Variants in CCDC63 observed in about 807,000 individuals in gnomAD.
CCDC63 encodes the protein coiled-coil domain containing 63.
A neutral mutation model predicts 63.6 loss-of-function variants in CCDC63; 54 were observed. The observed-to-expected ratio is 0.85, with a 90% confidence interval of 0.68 to 1.07. The LOEUF (loss-of-function observed/expected upper bound fraction) is 1.07. CCDC63 is among the 50% of genes least tolerant of loss of function. The probability of loss-of-function intolerance (pLI) is 0.00; values close to 1 mark genes in which losing one functional copy is unlikely to be tolerated. For missense variants in CCDC63, 637 were observed against 689.6 expected (o/e 0.92, Z 0.86); for synonymous variants, 253 against 266.1 (o/e 0.95, Z 0.48).
In CCDC63 at chr12:110,884,140, C is replaced by T; in HGVS notation, c.964C>T (p.Leu322Phe). The change falls in exon 8 of 12, where the codon CTC becomes TTC. Residue 322 changes from leucine to phenylalanine, a missense_variant. Physicochemically the swap from Leu to Phe is conservative, Grantham distance 22 (BLOSUM62 0). Coordinates refer to ENST00000308208, the MANE Select transcript of CCDC63 (RefSeq NM_152591.3). ...KLAESGNLNQLIEDFLAKEEK... is the reference protein window; with the variant it reads ...KLAESGNLNQFIEDFLAKEEK... Reference sequence around the variant, plus strand: ...GGCTGAGAGTGGGAACCTAAACCAGCTCATTGAAGATTTTCTGGCCAAGGA... The same window carrying T: ...GGCTGAGAGTGGGAACCTAAACCAGTTCATTGAAGATTTTCTGGCCAAGGA... 6.2e-7 allele frequency: 1 copy of T among 1,614,124 alleles called. No individual in the cohort carries two copies. Among genetic ancestry groups the T allele is most frequent in the Non-Finnish European group, 8.5e-7 (1 of 1,179,994 alleles).
At chr12:110,874,975 C>T (rs1355647347) in intron 5 of CCDC63, among the ~76,000 whole-genome samples, 1 of 152,188 alleles carries the variant, frequency 6.6e-6, no homozygotes, top group Admixed American at 6.5e-5. Flanking sequence ...GTAGCTCCCA[C>T]ATGAGCTACT....
At chr12:110,866,142 TA>T (rs918131600) in intron 4 of CCDC63, among the ~76,000 whole-genome samples, 1 of 152,110 alleles carries the variant, frequency 6.6e-6, no homozygotes, top group Non-Finnish European at 1.5e-5. Context: ...CATGCTCAGC[TA>T]ATTTTTGTAT....
intron 4 of CCDC63, among the ~76,000 whole-genome samples, chr12:110,860,088 A>T (rs2070833312): frequency 6.6e-6 from 1 of 152,202 alleles, no homozygotes; most frequent in Admixed American, 6.5e-5. Context: ...ACCATTTACA[A>T]GGGTGTGGGC....
intron 1 of CCDC63, among the ~76,000 whole-genome samples, 184 bp from the exon 2 acceptor site, chr12:110,852,675 C>T (rs2136640619): frequency 6.6e-6 from 1 of 152,250 alleles, no homozygotes; most frequent in Middle Eastern, 3.4e-3. Flanking sequence ...AGGTTCCAGG[C>T]AAACATTGCT....
intron 9 of CCDC63, among the ~76,000 whole-genome samples, chr12:110,894,258 T>C (rs2071391366): frequency 6.6e-6 from 1 of 152,148 alleles, no homozygotes; most frequent in Admixed American, 6.6e-5. Flanking sequence ...AAAAGTGCCT[T>C]CCCAGAAGTC....
chr12:110,866,861 G>C (rs1474118893), intron 4 of CCDC63, among the ~76,000 whole-genome samples: 12 of 149,828 alleles, frequency 8.0e-5, no homozygotes, highest in Non-Finnish European at 4.5e-5. Context: ...GTGGTGGCCG[G>C]GCAGAGGGGC....
At chr12:110,855,951 G>T (rs2070764206) in intron 3 of CCDC63, among the ~76,000 whole-genome samples, 1 of 152,068 alleles carries the variant, frequency 6.6e-6, no homozygotes, top group Admixed American at 6.6e-5. Context: ...CACCAACCCT[G>T]GCTTACAACA....
At chr12:110,905,047 T>C (rs1337467614) in intron 11 of CCDC63, among the ~76,000 whole-genome samples, 1 of 152,116 alleles carries the variant, frequency 6.6e-6, no homozygotes, top group Non-Finnish European at 1.5e-5. Flanking sequence ...TGGATATTTT[T>C]AAAAGTCAAA....
chr12:110,882,336 A>T (rs965190620), intron 7 of CCDC63, among the ~76,000 whole-genome samples: 1 of 151,932 alleles, frequency 6.6e-6, no homozygotes, highest in Non-Finnish European at 1.5e-5. Flanking sequence ...AATGAGCAAG[A>T]CCCCATCTCT....
intron 4 of CCDC63, among the ~76,000 whole-genome samples, chr12:110,859,808 T>C (rs2070828670): frequency 1.3e-5 from 2 of 152,138 alleles, no homozygotes; most frequent in Non-Finnish European, 2.9e-5. Flanking sequence ...ACAACATTAA[T>C]GGTCATGCCC....
At chr12:110,851,493 C>T (rs1020838942) in intron 1 of CCDC63, among the ~76,000 whole-genome samples, 2 of 152,140 alleles carry the variant, frequency 1.3e-5, no homozygotes, top group African/African-American at 4.8e-5. Context: ...TGCCCATCCA[C>T]CCCCGAAGAA....
At chr12:110,869,895 A>C (rs2071041301) in intron 4 of CCDC63, among the ~76,000 whole-genome samples, 1 of 152,214 alleles carries the variant, frequency 6.6e-6, no homozygotes, top group Admixed American at 6.5e-5. Flanking sequence ...TTTATTTATC[A>C]ATTATTTTTA....
intron 3 of CCDC63, 152 bp from the exon 4 acceptor site, chr12:110,858,434 T>C: frequency 1.7e-6 from 1 of 604,416 alleles, no homozygotes; most frequent in South Asian, 2.4e-5. Flanking sequence ...CTTCCAGACC[T>C]GGATCTGAGA....
At chr12:110,864,684 G>A (rs1472402480) in intron 4 of CCDC63, among the ~76,000 whole-genome samples, 2 of 150,974 alleles carry the variant, frequency 1.3e-5, no homozygotes, top group Non-Finnish European at 2.9e-5. Context: ...CTCCAGCCTG[G>A]GCAACAGAGT....
chr12:110,871,667 T>C (rs2071070762), intron 4 of CCDC63, among the ~76,000 whole-genome samples: 1 of 151,648 alleles, frequency 6.6e-6, no homozygotes, highest in Non-Finnish European at 1.5e-5. Flanking sequence ...CATGATGAGG[T>C]GCACGCGTCT....
At chr12:110,892,138 G>A (rs1347150846) in intron 8 of CCDC63, among the ~76,000 whole-genome samples, 1 of 152,202 alleles carries the variant, frequency 6.6e-6, no homozygotes, top group Non-Finnish European at 1.5e-5. Context: ...GCCTCCAGGT[G>A]ACTCTGGAGA....
chr12:110,887,678 C>T (rs1258588699), intron 8 of CCDC63, among the ~76,000 whole-genome samples: 3 of 152,022 alleles, frequency 2.0e-5, no homozygotes, highest in Non-Finnish European at 4.4e-5. Context: ...TCTGACTTCA[C>T]CCCTCCCTAG....
At chr12:110,867,817 TAG>T (rs2070991770) in intron 4 of CCDC63, among the ~76,000 whole-genome samples, 1 of 144,416 alleles carries the variant, frequency 6.9e-6, no homozygotes, top group Non-Finnish European at 1.5e-5. Context: ...CACTTCCCAG[TAG>T]GGGCGGCCGG....
chr12:110,882,413 C>T (rs2071219750), intron 7 of CCDC63, among the ~76,000 whole-genome samples: 1 of 151,970 alleles, frequency 6.6e-6, no homozygotes, highest in Non-Finnish European at 1.5e-5. Flanking sequence ...ACTCTGGAGA[C>T]TGAGATGGGA....
Sources: gnomAD v4.1 joint callset for allele counts (sites outside exome capture counted in the v4.1 genomes callset) on GRCh38, gnomAD v4.1.1 for gene constraint, MANE v1.5 for transcripts, NCBI Gene and HGNC (gene_info 2026-07-23, HGNC 2026-07-21) for gene names.